ZPLD1: variants seen among roughly 807,000 people sequenced by gnomAD.
The protein encoded by ZPLD1 is zona pellucida-like domain-containing protein 1.
ZPLD1 carries 34 observed loss-of-function variants against 47.2 expected under a neutral mutation model. The observed-to-expected ratio is 0.72, with a 90% confidence interval of 0.55 to 0.96. ZPLD1 has a LOEUF of 0.96. ZPLD1 is among the 40% of genes least tolerant of loss of function. ZPLD1 has a pLI of 0.00. For missense variants in ZPLD1, 512 were observed against 505.8 expected, an observed-to-expected ratio of 1.01 and a Z score of -0.12; for synonymous variants, 176 against 186.2, an observed-to-expected ratio of 0.95 and a Z score of 0.45.
chr3:102,411,074 C>T (rs573515801), intron 7 of ZPLD1, among the ~76,000 whole-genome samples: 2 of 151,768 alleles, frequency 1.3e-5, no homozygotes, highest in South Asian at 2.1e-4. Flanking sequence ...TTTTAGTGGC[C>T]TTAATATCCC....
chr3:102,391,900 G>A (rs1706499709), intron 6 of ZPLD1, among the ~76,000 whole-genome samples: 1 of 152,054 alleles, frequency 6.6e-6, no homozygotes, highest in African/African-American at 2.4e-5. Context: ...CAATGTGCAG[G>A]CTAAATAGTC....
chr3:102,427,470 G>T (rs1423364832), intron 8 of ZPLD1, among the ~76,000 whole-genome samples: 5 of 152,162 alleles, frequency 3.3e-5, no homozygotes, highest in African/African-American at 1.2e-4. Context: ...AAAGCAAGAA[G>T]ACAATGGAAG....
At chr3:102,406,475 C>T (rs1706686641) in intron 7 of ZPLD1, among the ~76,000 whole-genome samples, 1 of 151,876 alleles carries the variant, frequency 6.6e-6, no homozygotes, top group Non-Finnish European at 1.5e-5. Context: ...GTTTTGGGGT[C>T]CTTTCCTCTG....
At chr3:102,453,653 T>C (rs1469397008) in intron 4 of ZPLD1, among the ~76,000 whole-genome samples, 3 of 152,348 alleles carry the variant, frequency 2.0e-5, no homozygotes, top group Middle Eastern at 3.4e-3. Flanking sequence ...TGGTATAATA[T>C]TCTTAAATGT....
intron 6 of ZPLD1, among the ~76,000 whole-genome samples, chr3:102,389,957 G>A (rs905250528): frequency 6.6e-6 from 1 of 152,062 alleles, no homozygotes; most frequent in Non-Finnish European, 1.5e-5. Context: ...ATAGCATATT[G>A]GATATTGAAA....
chr3:102,456,467 T>C (rs1488579168), intron 5 of ZPLD1, 93 bp downstream of exon 5: 1 of 1,066,204 alleles, frequency 9.4e-7, no homozygotes, highest in Non-Finnish European at 1.4e-6. Flanking sequence ...GCAGGATTTA[T>C]TAAAAATAGT....
chr3:102,444,376 GA>G (rs960034442), intron 3 of ZPLD1, among the ~76,000 whole-genome samples: 3 of 152,136 alleles, frequency 2.0e-5, no homozygotes, highest in African/African-American at 7.2e-5. Context: ...GAGGAAACTT[GA>G]ATTCCTAATC....
rs1707412569 is a variant in ZPLD1, at chr3:102,456,331, A to C, written c.466A>C (p.Ser156Arg). ...TGGGCTTCTTTACAAATTTAGTTGT[A>C]GTTATCCATTGGAATACCTGGTTAA... is the stretch of plus-strand genomic sequence containing the variant. ...LPGLLYKFSC[S>R]YPLEYLVNNT... is the part of the protein sequence containing the mutation. Residue 156 changes from serine (S) to arginine (R), a missense_variant, in exon 5 of 12, where the codon AGT becomes CGT. Ser to Arg is a moderately radical substitution (Grantham distance 110). Transcript: ENST00000466937. The C allele has an allele frequency of 6.2e-7, 1 of 1,613,706 alleles. No individual in the cohort carries two copies. The highest frequency in any genetic ancestry group is 8.5e-7 in the Non-Finnish European group (1 of 1,179,794).
upstream of ZPLD1, among the ~76,000 whole-genome samples, chr3:102,431,766 G>T (rs1425856231): frequency 6.6e-6 from 1 of 152,126 alleles, no homozygotes; most frequent in Non-Finnish European, 1.5e-5. Flanking sequence ...AAAATTAGCT[G>T]GACGTGGTGG....
intron 7 of ZPLD1, among the ~76,000 whole-genome samples, chr3:102,416,313 T>A (rs1476420006): frequency 6.6e-6 from 1 of 151,946 alleles, no homozygotes; most frequent in East Asian, 1.9e-4. Context: ...GTAGGGTATA[T>A]GGGTAGTGGT....
chr3:102,451,044 C>T (rs1277282497), intron 3 of ZPLD1, among the ~76,000 whole-genome samples: 3 of 152,060 alleles, frequency 2.0e-5, no homozygotes, highest in African/African-American at 7.2e-5. Flanking sequence ...AACACCTAGC[C>T]GTTTGCCTTT....
At chr3:102,415,556 T>C (rs911520386) in intron 7 of ZPLD1, among the ~76,000 whole-genome samples, 3 of 151,846 alleles carry the variant, frequency 2.0e-5, no homozygotes, top group African/African-American at 4.8e-5. Context: ...AAATTTCTTA[T>C]GTTTGTTTTA....
intron 7 of ZPLD1, among the ~76,000 whole-genome samples, chr3:102,399,686 A>G (rs2107290628): frequency 6.6e-6 from 1 of 152,220 alleles, no homozygotes; most frequent in East Asian, 1.9e-4. Context: ...CGAAACGATC[A>G]TGTATACACA....
At position 102,439,418 on chromosome 3, in the gene ZPLD1, A is replaced by T. The variant is rs540314330; in HGVS notation, c.106+825A>T. 1.8e-4 allele frequency among the ~76,000 whole-genome samples: 27 copies of T among 152,320 alleles called. No individual in the cohort carries two copies. The South Asian group carries it at 5.6e-3, about 32-fold the overall frequency. Reference sequence around the variant, plus strand: ...TTTCTACAACAGAGCCCACATCAGAAATTGTCTGAATGTCTTCATGAACTT... The same window carrying T: ...TTTCTACAACAGAGCCCACATCAGATATTGTCTGAATGTCTTCATGAACTT... On this transcript the variant is annotated intron_variant, in intron 3 of 11. Coordinates refer to ENST00000466937, the MANE Select transcript of ZPLD1 (RefSeq NM_001329788.2).
chr3:102,419,481 G>A (rs924118079), intron 8 of ZPLD1, among the ~76,000 whole-genome samples: 4 of 151,870 alleles, frequency 2.6e-5, no homozygotes, highest in African/African-American at 9.7e-5. Context: ...GATCATGGTA[G>A]ACATTACAAC....
intron 3 of ZPLD1, among the ~76,000 whole-genome samples, chr3:102,447,805 T>A (rs1329902251): frequency 6.6e-6 from 1 of 152,198 alleles, no homozygotes; most frequent in East Asian, 1.9e-4. Flanking sequence ...CAAATATATT[T>A]TCAGTAATTG....
At chr3:102,445,103 C>T (rs1707237854) in intron 3 of ZPLD1, among the ~76,000 whole-genome samples, 1 of 152,154 alleles carries the variant, frequency 6.6e-6, no homozygotes, top group Non-Finnish European at 1.5e-5. Context: ...GTGTAGCTGC[C>T]TTTTGATGTG....
intron 8 of ZPLD1, among the ~76,000 whole-genome samples, chr3:102,428,633 T>C (rs1490675185): frequency 1.3e-5 from 2 of 151,662 alleles, no homozygotes; most frequent in Non-Finnish European, 2.9e-5. Flanking sequence ...AGTTTAATTA[T>C]CTGCTATTAA....
intron 8 of ZPLD1, among the ~76,000 whole-genome samples, chr3:102,427,283 T>G (rs1706959879): frequency 6.6e-6 from 1 of 152,198 alleles, no homozygotes; most frequent in African/African-American, 2.4e-5. Context: ...ATTTTACCAT[T>G]TTTGTCTGGA....
Sources: gnomAD v4.1 joint callset for allele counts (sites outside exome capture counted in the v4.1 genomes callset) on GRCh38, gnomAD v4.1.1 for gene constraint, MANE v1.5 for transcripts, NCBI Gene and HGNC (gene_info 2026-07-23, HGNC 2026-07-21) for gene names.